The following LRP6 variants were observed in gnomAD, a reference collection of about 807,000 sequenced individuals.
LRP6 encodes low-density lipoprotein receptor-related protein 6.
In LRP6, 43 loss-of-function variants were observed where a neutral mutation model predicts 184.1. That is an observed-to-expected ratio of 0.23 (90% confidence interval 0.18 to 0.30). LRP6 has a LOEUF of 0.30. Ranked by LOEUF, LRP6 falls within the 10% of genes least tolerant of loss-of-function variation. The pLI, the probability that LRP6 is intolerant of heterozygous loss-of-function variation, is 1.00. For synonymous variants in LRP6, 719 were observed against 684.9 expected (o/e 1.05, Z -0.78); for missense variants, 1,571 against 2,005.3 (o/e 0.78, Z 4.14).
At chr12:12,185,840 G>GT (rs1158159987) in intron 4 of LRP6, among the ~76,000 whole-genome samples, 6 of 107,100 alleles carry the variant, frequency 5.6e-5, no homozygotes, top group African/African-American at 1.8e-4. Context: ...GTGTGTGTGT[G>GT]TTTTTTGTTT....
chr12:12,124,058 A>G (rs1047832562), intron 22 of LRP6, among the ~76,000 whole-genome samples: 2 of 151,060 alleles, frequency 1.3e-5, no homozygotes, highest in Non-Finnish European at 2.9e-5. Flanking sequence ...AAAAGCCAGC[A>G]TTTGTGACTC....
At chr12:12,121,580 C>T (rs1367078716) in intron 22 of LRP6, among the ~76,000 whole-genome samples, 160 bp from the exon 23 acceptor site, 1 of 152,050 alleles carries the variant, frequency 6.6e-6, no homozygotes, top group East Asian at 1.9e-4. Context: ...ATGGCAGATT[C>T]GCTGAGGAAA....
chr12:12,225,853 C>G (rs2135880390), intron 2 of LRP6, among the ~76,000 whole-genome samples: 1 of 147,020 alleles, frequency 6.8e-6, no homozygotes, highest in East Asian at 2.0e-4. Context: ...ACCTAGGCGA[C>G]AGAGAAAGAC....
chr12:12,220,294 A>G (rs1864454194), intron 2 of LRP6, among the ~76,000 whole-genome samples: 1 of 152,066 alleles, frequency 6.6e-6, no homozygotes, highest in Non-Finnish European at 1.5e-5. Context: ...CCTCAAAAAA[A>G]AAAAAAAAAT....
intron 2 of LRP6, among the ~76,000 whole-genome samples, chr12:12,230,092 A>G (rs2135889309): frequency 6.6e-6 from 1 of 152,310 alleles, no homozygotes; most frequent in South Asian, 2.1e-4. Context: ...TTTCTGGAAA[A>G]TAATTTTTAA....
At chr12:12,164,951 AAAAAG>A in intron 8 of LRP6, 123 bp downstream of exon 8, 1 of 539,576 alleles carries the variant, frequency 1.9e-6, no homozygotes, top group Non-Finnish European at 3.1e-6. Context: ...AAAAAAAAAA[AAAAAG>A]GCGGGGGGGC....
intron 7 of LRP6, among the ~76,000 whole-genome samples, chr12:12,173,434 C>G (rs1863097413): frequency 6.6e-6 from 1 of 152,164 alleles, no homozygotes; most frequent in African/African-American, 2.4e-5. Context: ...CCTCTGCCTC[C>G]CAGACTCAGG....
At chr12:12,208,821 A>C in intron 2 of LRP6, among the ~76,000 whole-genome samples, 1 of 152,230 alleles carries the variant, frequency 6.6e-6, no homozygotes, top group South Asian at 2.1e-4. Flanking sequence ...AAACAGTGAA[A>C]TGGTTTTGTG....
At chr12:12,139,248 T>G (rs1352671986) in intron 15 of LRP6, among the ~76,000 whole-genome samples, 1 of 152,218 alleles carries the variant, frequency 6.6e-6, no homozygotes, top group Non-Finnish European at 1.5e-5. Context: ...TTAGCTGATA[T>G]TTTGGAAGTA....
At chr12:12,189,423 G>C (rs541364509) in intron 3 of LRP6, among the ~76,000 whole-genome samples, 32 of 152,268 alleles carry the variant, frequency 2.1e-4, no homozygotes, top group African/African-American at 7.7e-4. Context: ...TTTACAATGT[G>C]AATATTTCAT....
intron 4 of LRP6, chr12:12,186,658 C>CTTTTTTT: frequency 2.1e-5 from 6 of 288,990 alleles, no homozygotes; most frequent in East Asian, 8.6e-5. Context: ...GGGATTTTAA[C>CTTTTTTT]TTTTTTTTTT....
At position 12,117,148 on chromosome 12, in the gene LRP6, C is replaced by T. The variant is rs1218307940; in HGVS notation, c.*3978G>A. On this transcript the variant is annotated 3_prime_UTR_variant, in exon 23 of 23. Transcript: ENST00000261349. ...TTTCACTACAAGTACTTTCTAAAAT[C>T]ATCTTTCTCTTGGTTCATTTTAGGC... 1 of 152,122 alleles carries T rather than the reference C, an allele frequency of 6.6e-6. No individual in the cohort carries two copies. The highest frequency in any genetic ancestry group is 1.5e-5 in the Non-Finnish European group (1 of 68,014). The allele number at this position is 152,122 out of a possible 1,614,324, so 9.4% of individuals were successfully genotyped here. A position where few individuals can be genotyped will look rare whatever the true frequency, so the allele number is the denominator to read the frequency against.
At chr12:12,221,543 T>C (rs971241213) in intron 2 of LRP6, among the ~76,000 whole-genome samples, 20 of 152,162 alleles carry the variant, frequency 1.3e-4, no homozygotes, top group African/African-American at 4.6e-4. Context: ...ACCTAAGAAA[T>C]TTATTTTAAA....
intron 22 of LRP6, 127 bp from the exon 23 acceptor site, chr12:12,121,547 C>T (rs1949607215): frequency 2.2e-6 from 2 of 894,006 alleles, no homozygotes; most frequent in East Asian, 5.1e-5. Context: ...TTTAAATTTA[C>T]ACAGACCAAG....
chr12:12,193,421 G>GA (rs768297061), intron 3 of LRP6, among the ~76,000 whole-genome samples: 27 of 148,488 alleles, frequency 1.8e-4, no homozygotes, highest in South Asian at 6.3e-4. Flanking sequence ...AATAAAGGGG[G>GA]AAAAATCAAT....
intron 5 of LRP6, among the ~76,000 whole-genome samples, chr12:12,182,207 G>C (rs182715108): frequency 2.0e-5 from 3 of 152,146 alleles, no homozygotes; most frequent in Admixed American, 2.0e-4. Flanking sequence ...TAAGGTTGTT[G>C]TAAGGATTAA....
intron 7 of LRP6, among the ~76,000 whole-genome samples, chr12:12,177,242 C>A (rs1863214041): frequency 6.6e-6 from 1 of 152,140 alleles, no homozygotes; most frequent in Non-Finnish European, 1.5e-5. Context: ...AGCTTTCATT[C>A]TCGGGCATGA....
At chr12:12,205,661 C>T (rs923606481) in intron 2 of LRP6, among the ~76,000 whole-genome samples, 1 of 152,198 alleles carries the variant, frequency 6.6e-6, no homozygotes, top group African/African-American at 2.4e-5. Context: ...TTCATCACCA[C>T]ATTTTGATGA....
intron 2 of LRP6, among the ~76,000 whole-genome samples, chr12:12,219,050 C>T (rs1033362929): frequency 8.5e-6 from 1 of 117,920 alleles, no homozygotes; most frequent in Non-Finnish European, 1.9e-5. Flanking sequence ...CCAGCCTGGC[C>T]GACATGGTGA....
Sources: allele counts gnomAD v4.1 joint callset (sites outside exome capture counted in the v4.1 genomes callset), GRCh38; gene constraint gnomAD v4.1.1; transcripts MANE v1.5; gene names NCBI Gene and HGNC (gene_info 2026-07-23, HGNC 2026-07-21).